Variants in THRB observed in about 807,000 individuals in gnomAD.
THRB encodes nuclear receptor subfamily 1 group A member 2.
THRB carries 12 observed loss-of-function variants against 47.8 expected under a neutral mutation model. That is an observed-to-expected ratio of 0.25 (90% CI 0.16 to 0.41). The LOEUF is 0.41. THRB is among the 10% of genes least tolerant of loss of function. The pLI is 1.00. For synonymous variants in THRB, 218 were observed against 212.2 expected (o/e 1.03, Z -0.24); for missense variants, 348 against 589.2 (o/e 0.59, Z 4.24).
rs188872511 is a variant in THRB at position 24,253,958 on chromosome 3, T to G, written c.-42-24957A>C. On this transcript the variant is annotated intron_variant, in intron 3 of 10. Coordinates refer to ENST00000646209, the MANE Select transcript of THRB (RefSeq NM_001354712.2). ...CCAGTTGTCCCTCAGAACCATTTTTTTTTTTTCTTACCACACAAGGAAAGC... is the reference window on the plus strand; with the variant it reads ...CCAGTTGTCCCTCAGAACCATTTTTGTTTTTTCTTACCACACAAGGAAAGC... Among the ~76,000 whole-genome samples, 386 of 151,984 alleles carry G rather than the reference T, an allele frequency of 2.5e-3. 2 individuals are homozygous for G. Among genetic ancestry groups the G allele is most frequent in the Non-Finnish European group, 4.0e-3 (275 of 67,972 alleles).
At chr3:24,126,185 G>A (rs1001779181) in intron 10 of THRB, among the ~76,000 whole-genome samples, 1 of 152,124 alleles carries the variant, frequency 6.6e-6, no homozygotes, top group Non-Finnish European at 1.5e-5. Flanking sequence ...TTGAGCCCAG[G>A]AGTTCAAGAC....
At chr3:24,134,686 C>T (rs934397865) in intron 8 of THRB, among the ~76,000 whole-genome samples, 2 of 152,154 alleles carry the variant, frequency 1.3e-5, no homozygotes, top group Non-Finnish European at 2.9e-5. Context: ...CCTCTGAACA[C>T]CCTCCTAGCC....
At chr3:24,171,407 CAT>C (rs2040418246) in intron 5 of THRB, among the ~76,000 whole-genome samples, 2 of 152,152 alleles carry the variant, frequency 1.3e-5, no homozygotes, top group Non-Finnish European at 2.9e-5. Context: ...GACGCTAACA[CAT>C]ATGGAACACT....
intron 3 of THRB, among the ~76,000 whole-genome samples, chr3:24,246,648 A>T (rs1295779361): frequency 6.6e-6 from 1 of 152,182 alleles, no homozygotes; most frequent in Non-Finnish European, 1.5e-5. Context: ...CTCTGTTGGG[A>T]CTTCAACTAA....
intron 4 of THRB, among the ~76,000 whole-genome samples, chr3:24,222,366 T>C (rs2047234489): frequency 6.6e-6 from 1 of 152,086 alleles, no homozygotes; most frequent in South Asian, 2.1e-4. Context: ...AGGAAATACA[T>C]ATCGAGGAAG....
chr3:24,283,445 G>A (rs1368985443), intron 3 of THRB, among the ~76,000 whole-genome samples: 9 of 150,426 alleles, frequency 6.0e-5, no homozygotes, highest in Admixed American at 3.3e-4. Flanking sequence ...AAAATAATAA[G>A]AGCTATTTAT....
chr3:24,221,540 G>A (rs930858947), intron 4 of THRB, among the ~76,000 whole-genome samples: 3 of 152,158 alleles, frequency 2.0e-5, no homozygotes, highest in Non-Finnish European at 4.4e-5. Flanking sequence ...CATAGTGGAG[G>A]TTGGTGTGAT....
chr3:24,156,133 T>G (rs1281285902), intron 5 of THRB, among the ~76,000 whole-genome samples: 1 of 152,236 alleles, frequency 6.6e-6, no homozygotes, highest in African/African-American at 2.4e-5. Context: ...TTGAATATCT[T>G]ACAGTTAATG....
At chr3:24,127,169 A>G (rs547953575) in intron 10 of THRB, among the ~76,000 whole-genome samples, 30 of 152,222 alleles carry the variant, frequency 2.0e-4, no homozygotes, top group Non-Finnish European at 4.1e-4. Context: ...ACTCACATCC[A>G]TATCTGGCAT....
At chr3:24,468,418 A>G (rs1187885352) in intron 1 of THRB, among the ~76,000 whole-genome samples, 3 of 152,284 alleles carry the variant, frequency 2.0e-5, no homozygotes, top group Admixed American at 6.5e-5. Context: ...CTTTTGACCT[A>G]TTTCAGCTTT....
chr3:24,276,574 C>T (rs777004228), intron 3 of THRB, among the ~76,000 whole-genome samples: 1 of 152,228 alleles, frequency 6.6e-6, no homozygotes, highest in Admixed American at 6.5e-5. Flanking sequence ...AATTTGAAAA[C>T]TCTTAGCCCA....
intron 1 of THRB, among the ~76,000 whole-genome samples, chr3:24,357,365 A>AC (rs2149602321): frequency 6.8e-6 from 1 of 147,416 alleles, no homozygotes; most frequent in Admixed American, 6.7e-5. Flanking sequence ...AAAAAAAAAA[A>AC]AAAAAAAAAC....
intron 1 of THRB, among the ~76,000 whole-genome samples, chr3:24,376,415 G>A (rs1261016805): frequency 2.6e-5 from 4 of 152,174 alleles, no homozygotes; most frequent in African/African-American, 9.6e-5. Flanking sequence ...AATTTGTGGA[G>A]CAAAGTATTA....
chr3:24,129,460 A>T (rs2033468801), intron 9 of THRB, among the ~76,000 whole-genome samples: 1 of 152,250 alleles, frequency 6.6e-6, no homozygotes, highest in South Asian at 2.1e-4. Flanking sequence ...ACCAATTCTG[A>T]TTATAGATGA....
chr3:24,178,423 C>G (rs1186750967), intron 5 of THRB, among the ~76,000 whole-genome samples: 2 of 152,078 alleles, frequency 1.3e-5, no homozygotes, highest in Non-Finnish European at 1.5e-5. Flanking sequence ...GCCAGGAGTT[C>G]AGGGCTGCAG....
At chr3:24,188,489 T>C (rs973881182) in intron 5 of THRB, among the ~76,000 whole-genome samples, 3 of 152,164 alleles carry the variant, frequency 2.0e-5, no homozygotes, top group African/African-American at 2.4e-5. Flanking sequence ...TTAAGATGCA[T>C]AGATTTATTT....
chr3:24,309,183 A>G (rs779518943), intron 2 of THRB, among the ~76,000 whole-genome samples: 6 of 152,134 alleles, frequency 3.9e-5, no homozygotes, highest in Non-Finnish European at 8.8e-5. Context: ...TTGTATATGT[A>G]TTATGATTTA....
chr3:24,208,097 T>C (rs1320485863), intron 4 of THRB, among the ~76,000 whole-genome samples: 1 of 152,062 alleles, frequency 6.6e-6, no homozygotes, highest in Non-Finnish European at 1.5e-5. Flanking sequence ...TAATTCACAA[T>C]TGCTTCAATG....
intron 4 of THRB, among the ~76,000 whole-genome samples, chr3:24,213,112 T>C (rs2046223891): frequency 6.6e-6 from 1 of 152,096 alleles, no homozygotes; most frequent in African/African-American, 2.4e-5. Context: ...TGGCAAGAGT[T>C]TCTGAGAGAG....
Sources: allele counts gnomAD v4.1 joint callset (sites outside exome capture counted in the v4.1 genomes callset), GRCh38; gene constraint gnomAD v4.1.1; transcripts MANE v1.5; gene names NCBI Gene and HGNC (gene_info 2026-07-23, HGNC 2026-07-21).